The following DYNC2H1 variants were observed in gnomAD, a reference collection of about 807,000 sequenced individuals.
DYNC2H1 encodes cytoplasmic dynein 2 heavy chain 1.
A neutral mutation model predicts 570.0 loss-of-function variants in DYNC2H1; 410 were observed. The ratio of observed to expected loss-of-function variants is 0.72; its 90% CI spans 0.66 to 0.78. DYNC2H1 has a LOEUF of 0.78. DYNC2H1 is among the 30% of genes least tolerant of loss of function. The pLI, the probability that DYNC2H1 is intolerant of heterozygous loss-of-function variation, is 0.00. For synonymous variants in DYNC2H1, 1,688 were observed against 1,677.6 expected (o/e 1.01, Z -0.15); for missense variants, 4,865 against 5,046.4 (o/e 0.96, Z 1.09).
At chr11:103,135,368 C>A in intron 15 of DYNC2H1, 127 bp from the exon 16 acceptor site, 1 of 815,356 alleles carries the variant, frequency 1.2e-6, no homozygotes, top group Non-Finnish European at 1.7e-6. Context: ...ACCAGTTTTA[C>A]ATATTTGAAA....
intron 83 of DYNC2H1, among the ~76,000 whole-genome samples, chr11:103,389,543 T>A (rs1396527920): frequency 6.6e-6 from 1 of 152,194 alleles, no homozygotes; most frequent in Non-Finnish European, 1.5e-5. Flanking sequence ...CAGCTAGCTG[T>A]TGAATGTGTT....
intron 75 of DYNC2H1, among the ~76,000 whole-genome samples, chr11:103,290,772 G>A (rs1015770592): frequency 5.3e-5 from 8 of 151,894 alleles, no homozygotes; most frequent in African/African-American, 9.7e-5. Flanking sequence ...TTTAATTTCT[G>A]CATGTGTGTT....
In DYNC2H1 at chr11:103,440,670, C is replaced by A. The variant is rs79257151; in HGVS notation, c.12456+4638C>A. 3.3e-3 allele frequency among the ~76,000 whole-genome samples: 503 copies of A among 152,254 alleles called. 5 individuals carry two copies. The highest frequency in any genetic ancestry group is 0.012 in the African/African-American group (486 of 41,550). On this transcript the variant is annotated intron_variant, in intron 85 of 88. Transcript: ENST00000375735. ...AACTAAATAAGCAATAACAACAAATCATTAAAGGAAGTATTTGAGCAAATA... is the reference window on the plus strand; with the variant it reads ...AACTAAATAAGCAATAACAACAAATAATTAAAGGAAGTATTTGAGCAAATA...
chr11:103,282,125 T>A (rs1866163399), intron 71 of DYNC2H1, 54 bp from the exon 72 acceptor site: 1 of 1,544,536 alleles, frequency 6.5e-7, no homozygotes, highest in East Asian at 2.3e-5. Context: ...TAGACAATTT[T>A]GTTAACTGGT....
intron 82 of DYNC2H1, among the ~76,000 whole-genome samples, chr11:103,329,435 C>T (rs1162092822): frequency 6.6e-6 from 1 of 151,944 alleles, no homozygotes; most frequent in East Asian, 1.9e-4. Flanking sequence ...AATCTAATTG[C>T]AGTAGTTTGG....
At chr11:103,139,096 TTC>T (rs978304176) in intron 17 of DYNC2H1, among the ~76,000 whole-genome samples, 1 of 151,812 alleles carries the variant, frequency 6.6e-6, no homozygotes, top group African/African-American at 2.4e-5. Flanking sequence ...TATTTGATTC[TTC>T]TCTCTTTTTT....
At position 103,414,286 on chromosome 11, in the gene DYNC2H1, CAAATTCAACAACTTAGGTG is replaced by C. The variant is rs1416923363; in HGVS notation, c.12366+14419_12366+14437del. Among the ~76,000 whole-genome samples, 20 of 152,242 alleles carry C rather than the reference CAAATTCAACAACTTAGGTG, an allele frequency of 1.3e-4. No individual in the cohort carries two copies. The East Asian group carries it at 3.7e-3, about 28-fold the overall frequency. Reference sequence around the variant, plus strand: ...AATGTTATTAATAATTTTATGCCTACAAATTCAACAACTTAGGTGAAATACACAAATTCCTTGAAATAAA... The same window carrying C: ...AATGTTATTAATAATTTTATGCCTACAAATACACAAATTCCTTGAAATAAA... On this transcript the variant is annotated intron_variant, in intron 84 of 88. Coordinates refer to ENST00000375735, the MANE Select transcript of DYNC2H1 (RefSeq NM_001377.3).
chr11:103,259,809 G>C, intron 69 of DYNC2H1, 79 bp from the exon 70 acceptor site: 1 of 952,828 alleles, frequency 1.0e-6, no homozygotes, highest in Non-Finnish European at 1.5e-6. Flanking sequence ...AATCAGCTTT[G>C]AATCTGGAGG....
intron 81 of DYNC2H1, among the ~76,000 whole-genome samples, chr11:103,322,721 A>G (rs1317081446): frequency 2.6e-5 from 4 of 152,212 alleles, no homozygotes; most frequent in Non-Finnish European, 4.4e-5. Context: ...AGCAAAGTGT[A>G]TAACTCTACA....
At chr11:103,213,722 T>C (rs1001297035) in intron 54 of DYNC2H1, among the ~76,000 whole-genome samples, 1 of 152,166 alleles carries the variant, frequency 6.6e-6, no homozygotes, top group African/African-American at 2.4e-5. Flanking sequence ...ATAATCTACA[T>C]ATTAAGCCTC....
At chr11:103,137,444 T>A (rs1008286468) in intron 17 of DYNC2H1, among the ~76,000 whole-genome samples, 1 of 152,176 alleles carries the variant, frequency 6.6e-6, no homozygotes, top group African/African-American at 2.4e-5. Context: ...TTTCTACATA[T>A]GGTTAGCCAG....
rs368058473 is a variant in DYNC2H1 at position 103,176,381 on chromosome 11, G to C, written c.5821G>C (p.Ala1941Pro). 63 of 1,592,554 alleles carry C rather than the reference G, an allele frequency of 4.0e-5. No individual in the cohort carries two copies. The highest frequency in any genetic ancestry group is 2.1e-4 in the Admixed American group (12 of 57,016). ...LKEVEYDELS[A>P]ALKQVFEEAN... ...AGAAGTGGAATATGATGAACTAAGT[G>C]CTGCATTAAAGCAGGTCTTTGAAGA... The change falls in exon 37 of 89, where the codon GCT (alanine) becomes CCT (proline). Residue 1941 changes from alanine to proline, a missense_variant. Coordinates refer to ENST00000375735, the MANE Select transcript of DYNC2H1 (RefSeq NM_001377.3).
At position 103,199,530 on chromosome 11, in the gene DYNC2H1, A is replaced by G; in HGVS notation, c.8088+54A>G. 7.0e-7 allele frequency: 1 copy of G among 1,422,708 alleles called. No individual in the cohort carries two copies. Among genetic ancestry groups the G allele is most frequent in the East Asian group, 2.4e-5 (1 of 41,338 alleles). The allele number at this position is 1,422,708 out of a possible 1,614,324, so 88.1% of individuals were successfully genotyped here. On this transcript the variant is annotated intron_variant, in intron 49 of 88. Transcript: ENST00000375735. The surrounding 1 kb of genome is among the most constrained non-coding windows in gnomAD (Gnocchi z 4.6). ...TTGGTTTTAAATTACATTGGTTATT[A>G]CTCTAAACATCTTTAAAGACCTAAA... is the stretch of plus-strand genomic sequence containing the variant.
chr11:103,413,800 G>T (rs1943178865), intron 84 of DYNC2H1, among the ~76,000 whole-genome samples: 1 of 152,116 alleles, frequency 6.6e-6, no homozygotes, highest in African/African-American at 2.4e-5. Flanking sequence ...AAAGGGGCCT[G>T]CATATAACAA....
intron 59 of DYNC2H1, among the ~76,000 whole-genome samples, chr11:103,224,465 T>C (rs1863726239): frequency 6.6e-6 from 1 of 152,254 alleles, no homozygotes; most frequent in African/African-American, 2.4e-5. Context: ...TGCGTCCTTA[T>C]AGCTTAGCTC....
rs1478721269 is a variant in DYNC2H1 at position 103,133,385 on chromosome 11, G to A, written c.1954-170G>A. On this transcript the variant is annotated intron_variant, in intron 13 of 88. Transcript: ENST00000375735. The surrounding 1 kb of genome is among the most constrained non-coding windows in gnomAD (Gnocchi z 4.8). ...AAAAGGGAGAAGCTGGAAGAAATGGGCTACTCAATCTTTGCCAGACTGCCT... is the reference window on the plus strand; with the variant it reads ...AAAAGGGAGAAGCTGGAAGAAATGGACTACTCAATCTTTGCCAGACTGCCT... 6.6e-6 allele frequency among the ~76,000 whole-genome samples: 1 copy of A among 152,134 alleles called. No individual in the cohort carries two copies. The highest frequency in any genetic ancestry group is 2.1e-4 in the South Asian group (1 of 4,824).
chr11:103,125,179 A>T lies in DYNC2H1; in HGVS notation c.1741A>T (p.Ile581Phe). 1 of 1,613,764 alleles carries T rather than the reference A, an allele frequency of 6.2e-7. No homozygotes were observed. The highest frequency in any genetic ancestry group is 8.5e-7 in the Non-Finnish European group (1 of 1,179,782). The change falls in exon 12 of 89, where the codon ATT (isoleucine) becomes TTT (phenylalanine). Residue 581 changes from isoleucine to phenylalanine, a missense_variant. Physicochemically the swap from Ile to Phe is conservative, Grantham distance 21. Transcript: ENST00000375735. ...AGTGCATTATTCAGATCGTTTGGTG[A>T]TTCTTCTGAGAGAAGTTCGTCAGCT... ...LKVHYSDRLV[I>F]LLREVRQLSA...
At chr11:103,445,922 A>G (rs34880670) in intron 85 of DYNC2H1, among the ~76,000 whole-genome samples, 53,554 of 151,754 alleles carry the variant, frequency 0.35, 9,970 homozygotes, top group African/African-American at 0.47. Flanking sequence ...AAACTGCTGG[A>G]ATTACAGGTG....
At chr11:103,353,611 AATAG>A (rs1940159444) in intron 82 of DYNC2H1, among the ~76,000 whole-genome samples, 2 of 152,178 alleles carry the variant, frequency 1.3e-5, no homozygotes, top group African/African-American at 4.8e-5. Context: ...GAATTATGTC[AATAG>A]ATAGTGATGC....
Sources: gnomAD v4.1 joint callset for allele counts (sites outside exome capture counted in the v4.1 genomes callset) on GRCh38, gnomAD v4.1.1 for gene constraint, Gnocchi (gnomAD v3.1) non-coding constraint, MANE v1.5 for transcripts, NCBI Gene and HGNC (gene_info 2026-07-23, HGNC 2026-07-21) for gene names.